MACF1: variants seen among roughly 807,000 people sequenced by gnomAD.
MACF1 encodes microtubule actin crosslinking factor 1, also known as microtubule-actin cross-linking factor 1.
Under a neutral mutation model 854.8 loss-of-function variants are expected in MACF1, and 193 were observed. That is an observed-to-expected ratio of 0.23 (90% CI 0.20 to 0.25). MACF1 has a LOEUF of 0.25. MACF1 is among the 10% of genes least tolerant of loss of function. The probability of loss-of-function intolerance (pLI) is 1.00; values close to 1 mark genes in which losing one functional copy is unlikely to be tolerated. For missense variants in MACF1, 7,722 were observed against 8,929.1 expected (o/e 0.86, Z 5.45); for synonymous variants, 3,185 against 3,226.7 (o/e 0.99, Z 0.44).
chr1:39,448,479 AGTG>A, intron 83 of MACF1, 112 bp from the exon 84 acceptor site: 1 of 814,296 alleles, frequency 1.2e-6, no homozygotes, highest in African/African-American at 1.7e-5. Context: ...GTTCAAAAAA[AGTG>A]GTGATATTCA....
chr1:39,411,823 C>T lies in MACF1; in HGVS notation c.15817-10551C>T, dbSNP rs61073427. 850 of 1,613,788 alleles carry T rather than the reference C, an allele frequency of 5.3e-4. 7 individuals carry two copies. The African/African-American group carries it at 5.6e-3, about 11-fold the overall frequency. ...AGGGGCTGCCTTAGAAAAGGAACAG[C>T]ATTTAGGCCTTTTACATGTAAGGGC... On this transcript the variant is annotated intron_variant, in intron 58 of 100. Transcript: ENST00000564288.
At position 39,350,878 on chromosome 1, in the gene MACF1, A is replaced by G. The variant is rs1352376369; in HGVS notation, c.11059A>G (p.Ser3687Gly). Residue 3687 changes from serine to glycine, a missense_variant, in exon 43 of 101, where the codon AGC becomes GGC. This residue lies in a region of MACF1 where 2,807 missense variants were observed against 3,235.8 expected (regional missense o/e 0.87). Coordinates refer to ENST00000564288, the MANE Select transcript of MACF1 (RefSeq NM_001394062.1). ...CATGGAAGAGAATCAGACCAAGCTG[A>G]GCCCACGTGAGTTGACAGCTCTTCG... ...GFMEENQTKL[S>G]PRELTALREK... is the part of the protein sequence containing the mutation. The G allele has an allele frequency of 6.2e-7, 1 of 1,614,124 alleles. No individual in the cohort carries two copies. The highest frequency in any genetic ancestry group is 8.5e-7 in the Non-Finnish European group (1 of 1,180,012).
At chr1:39,480,873 C>T (rs1205643278) in intron 98 of MACF1, 47 bp from the exon 99 acceptor site, 11 of 1,017,656 alleles carry the variant, frequency 1.1e-5, no homozygotes, top group African/African-American at 4.8e-5. Context: ...CCTTTTTGTT[C>T]CTTTTTCAAT....
chr1:39,231,047 C>G lies in MACF1; in HGVS notation c.110-135C>G, dbSNP rs1571200267. On this transcript the variant is annotated intron_variant, in intron 1 of 100. Transcript: ENST00000564288. ...GGAAGTTCAGCTAGGCCAAACCTTCCTAAGAAGAAGTCACTGTCCCACAGT... is the reference window on the plus strand; with the variant it reads ...GGAAGTTCAGCTAGGCCAAACCTTCGTAAGAAGAAGTCACTGTCCCACAGT... 4.2e-6 allele frequency: 3 copies of G among 721,098 alleles called. 1 individual carries two copies. Among genetic ancestry groups the G allele is most frequent in the Middle Eastern group, 7.4e-4 (2 of 2,688 alleles). The allele number at this position is 721,098 out of a possible 1,614,324, so 44.7% of individuals were successfully genotyped here.
chr1:39,390,778 G>C (rs141183225), intron 58 of MACF1, among the ~76,000 whole-genome samples: 2 of 152,248 alleles, frequency 1.3e-5, no homozygotes, highest in Non-Finnish European at 2.9e-5. Flanking sequence ...GAAATTTTTA[G>C]AAAACTGAAA....
intron 38 of MACF1, among the ~76,000 whole-genome samples, chr1:39,340,251 T>G (rs992610757): frequency 6.6e-6 from 1 of 152,164 alleles, no homozygotes; most frequent in African/African-American, 2.4e-5. Flanking sequence ...CTGGGTGACC[T>G]TGGACACCAT....
Position 39,282,357 on chromosome 1 carries a change from A to G in MACF1, c.678A>G (p.Ala226=), listed in dbSNP as rs1645563643. The G allele has an allele frequency of 3.1e-6, 5 of 1,613,808 alleles. No individual in the cohort carries two copies. The highest frequency in any genetic ancestry group is 4.2e-6 in the Non-Finnish European group (5 of 1,179,876). Residue 226 remains alanine (A), a synonymous_variant, in exon 7 of 101, where the codon GCA becomes GCG. Coordinates refer to ENST00000564288, the MANE Select transcript of MACF1 (RefSeq NM_001394062.1). Reference sequence around the variant, plus strand: ...GGAGTGATGGGAAGATGTTCAATGCACTCATTCACCGATACCGGTAAGAAC... The same window carrying G: ...GGAGTGATGGGAAGATGTTCAATGCGCTCATTCACCGATACCGGTAAGAAC... ...SCWSDGKMFN[A]LIHRYRPDLV...
intron 94 of MACF1, 167 bp from the exon 95 acceptor site, chr1:39,464,925 AATT>A: frequency 1.6e-6 from 1 of 636,780 alleles, no homozygotes; most frequent in South Asian, 1.9e-5. Context: ...AAAAAAAAAA[AATT>A]AAAACCACAT....
At chr1:39,088,401 A>G (rs1449410120) in intron 2 of MACF1, among the ~76,000 whole-genome samples, 3 of 152,084 alleles carry the variant, frequency 2.0e-5, no homozygotes, top group Non-Finnish European at 4.4e-5. Context: ...GTACATTGTT[A>G]TTTCTATTTC....
intron 2 of MACF1, among the ~76,000 whole-genome samples, chr1:39,195,419 A>G (rs1644307786): frequency 6.6e-6 from 1 of 152,234 alleles, no homozygotes; most frequent in East Asian, 1.9e-4. Context: ...ATAGTTATTT[A>G]GTGACTAAGA....
chr1:39,311,152 C>A, intron 26 of MACF1, 152 bp downstream of exon 26: 1 of 803,560 alleles, frequency 1.2e-6, no homozygotes, highest in Non-Finnish European at 1.9e-6. Flanking sequence ...TGTCTTTTAC[C>A]CGTGGAGAAG....
chr1:39,212,434 C>T (rs964244767), intron 1 of MACF1, among the ~76,000 whole-genome samples: 7 of 152,056 alleles, frequency 4.6e-5, no homozygotes, highest in Non-Finnish European at 7.3e-5. Context: ...TCTGCAGTGC[C>T]GTTAGGAGAA....
intron 2 of MACF1, among the ~76,000 whole-genome samples, chr1:39,101,904 C>A (rs1280381118): frequency 6.6e-6 from 1 of 150,882 alleles, no homozygotes; most frequent in African/African-American, 2.4e-5. Flanking sequence ...AGGCTGGGCG[C>A]GGTGGCTCGC....
At chr1:39,316,161 A>G (rs996956374) in intron 27 of MACF1, among the ~76,000 whole-genome samples, 16 of 152,202 alleles carry the variant, frequency 1.1e-4, no homozygotes, top group Admixed American at 9.8e-4. Context: ...CCATGAGTCC[A>G]CCACATGTAT....
chr1:39,411,798 AGG>A (rs1490415462), intron 58 of MACF1: 1 of 1,613,882 alleles, frequency 6.2e-7, no homozygotes, highest in South Asian at 1.1e-5. Flanking sequence ...GTCATTTTTC[AGG>A]GGCTGCCTTA....
intron 58 of MACF1, among the ~76,000 whole-genome samples, chr1:39,418,264 A>C (rs529390153): frequency 4.6e-5 from 7 of 152,296 alleles, no homozygotes; most frequent in Non-Finnish European, 8.8e-5. Flanking sequence ...ACACTGTTTC[A>C]TTTTTGAACT....
rs1351991129 is a variant in MACF1, at chr1:39,105,106, C to T, written c.220+20668C>T. ...AGCCTTTCATCCTGACGCGCGGGGC[C>T]TCCCACCCAGCGGGACTCCCGCGTG... On this transcript the variant is annotated intron_variant, in intron 2 of 93. Coordinates refer to the MACF1 transcript ENST00000361689. This position sits in a 1 kb window ranked among gnomAD's most constrained non-coding sequence, Gnocchi z 5.9. 4.6e-5 allele frequency among the ~76,000 whole-genome samples: 7 copies of T among 151,998 alleles called. No homozygotes were observed. The highest frequency in any genetic ancestry group is 1.5e-5 in the Non-Finnish European group (1 of 67,950).
At chr1:39,309,465 A>G (rs970528667) in intron 23 of MACF1, 105 bp from the exon 24 acceptor site, 2 of 1,361,668 alleles carry the variant, frequency 1.5e-6, no homozygotes, top group Non-Finnish European at 2.0e-6. Context: ...TCTGCTCAAC[A>G]TATAAGCTCA....
chr1:39,250,021 A>G lies in MACF1; in HGVS notation c.179A>G (p.Lys60Arg). The G allele has an allele frequency of 6.2e-7, 1 of 1,608,890 alleles. No homozygotes were observed. ...TTTCACTCTCATTCACAGGTCCGCA[A>G]GCACATCAATGATCTTTATGAAGAT... Reference protein sequence around the residue: ...WVNKHLMKVRKHINDLYEDLR... With the variant: ...WVNKHLMKVRRHINDLYEDLR... Residue 60 changes from lysine (K) to arginine (R), a missense_variant, in exon 3 of 101, where the codon AAG becomes AGG. By Grantham distance (26) the Lys-to-Arg change is conservative. Transcript: ENST00000564288.
Sources: allele counts gnomAD v4.1 joint callset (sites outside exome capture counted in the v4.1 genomes callset), GRCh38; gene constraint gnomAD v4.1.1; regional missense constraint gnomAD v4.1.1; non-coding constraint Gnocchi (gnomAD v3.1); transcripts MANE v1.5; gene names NCBI Gene and HGNC (gene_info 2026-07-23, HGNC 2026-07-21).